The following ZNF254 variants were observed in gnomAD, a reference collection of about 807,000 sequenced individuals.
ZNF254 encodes the protein CTD-2017D11.1.
ZNF254 carries 10 observed loss-of-function variants against 12.4 expected under a neutral mutation model. The ratio of observed to expected loss-of-function variants is 0.80; its 90% CI spans 0.50 to 1.36. The LOEUF (loss-of-function observed/expected upper bound fraction) is 1.36. Ranked by LOEUF, ZNF254 falls within the 40% of genes most tolerant of loss-of-function variation. The pLI, the probability that ZNF254 is intolerant of heterozygous loss-of-function variation, is 0.00. For synonymous variants in ZNF254, 305 were observed against 253.4 expected (o/e 1.20, Z -1.93); for missense variants, 996 against 763.9 (o/e 1.30, Z -3.58).
chr19:24,091,307 AAAAT>A (rs1972365939), intron 1 of ZNF254, among the ~76,000 whole-genome samples: 1 of 131,144 alleles, frequency 7.6e-6, no homozygotes, highest in African/African-American at 3.0e-5. Context: ...ACCAAGGAAA[AAAAT>A]AAAGAAAAAA....
chr19:24,086,487 A>G (rs1461765613), upstream of ZNF254, among the ~76,000 whole-genome samples: 1 of 149,154 alleles, frequency 6.7e-6, no homozygotes, highest in Admixed American at 6.7e-5. Context: ...TTTTTCTTTT[A>G]TTTTTTTGAG....
chr19:24,107,446 A>C, intron 3 of ZNF254: 1 of 380,614 alleles, frequency 2.6e-6, no homozygotes, highest in Non-Finnish European at 4.6e-6. Flanking sequence ...TGAGTATTTC[A>C]TTGATATTGT....
upstream of ZNF254, among the ~76,000 whole-genome samples, chr19:24,082,997 G>T (rs368708537): frequency 3.3e-5 from 5 of 152,118 alleles, no homozygotes; most frequent in East Asian, 3.9e-4. Context: ...TAAGTAGCGA[G>T]CCTCCAAGTT....
chr19:24,047,747 G>T (rs191160932), intron 2 of ZNF254, among the ~76,000 whole-genome samples: 97 of 150,320 alleles, frequency 6.5e-4, no homozygotes, highest in African/African-American at 2.2e-3. Flanking sequence ...GAGTGCAATG[G>T]CGTGATCTTG....
At chr19:24,060,625 AAG>A (rs1971030783) in intron 2 of ZNF254, among the ~76,000 whole-genome samples, 1 of 152,112 alleles carries the variant, frequency 6.6e-6, no homozygotes, top group Non-Finnish European at 1.5e-5. Flanking sequence ...GCACACAAAA[AAG>A]AGAGTGACTT....
At chr19:24,114,656 A>G (rs1973914931) in intron 3 of ZNF254, among the ~76,000 whole-genome samples, 1 of 136,328 alleles carries the variant, frequency 7.3e-6, no homozygotes, top group Non-Finnish European at 1.5e-5. Context: ...AGCAATGGGA[A>G]CAAAAGCCAA....
At chr19:24,107,251 G>A (rs1258587051) in intron 3 of ZNF254, 2 of 647,390 alleles carry the variant, frequency 3.1e-6, no homozygotes, top group East Asian at 3.0e-5. Context: ...AAAAACACTG[G>A]AATTTTGATA....
intron 2 of ZNF254, among the ~76,000 whole-genome samples, chr19:24,059,660 G>A (rs1290778921): frequency 1.3e-5 from 2 of 151,944 alleles, no homozygotes; most frequent in East Asian, 3.9e-4. Flanking sequence ...CAACCTAGGT[G>A]ATGTAACTCT....
intron 2 of ZNF254, among the ~76,000 whole-genome samples, chr19:24,054,031 T>C (rs67223326): frequency 0.16 from 24,431 of 152,200 alleles, 2,109 homozygotes; most frequent in Middle Eastern, 0.23. Context: ...TTGCCTGCAC[T>C]GTGCCCTGAA....
chr19:24,036,187 C>T (rs951812207), intron 1 of ZNF254, among the ~76,000 whole-genome samples: 8 of 152,048 alleles, frequency 5.3e-5, no homozygotes, highest in African/African-American at 1.2e-4. Context: ...TCAGCCTCTC[C>T]GAGTAGCTGG....
At chr19:24,042,764 T>C (rs192450188) in intron 1 of ZNF254, among the ~76,000 whole-genome samples, 2 of 152,226 alleles carry the variant, frequency 1.3e-5, no homozygotes, top group African/African-American at 4.8e-5. Flanking sequence ...GTATTTACTT[T>C]CCTCTCCACT....
chr19:24,102,419 A>C (rs1035757301), intron 1 of ZNF254, among the ~76,000 whole-genome samples: 32 of 151,854 alleles, frequency 2.1e-4, no homozygotes, highest in African/African-American at 7.5e-4. Context: ...GTAAGCTTAA[A>C]AAAAGAAACA....
intron 1 of ZNF254, among the ~76,000 whole-genome samples, chr19:24,103,460 C>T (rs1353717534): frequency 1.3e-5 from 2 of 152,296 alleles, no homozygotes; most frequent in Non-Finnish European, 2.9e-5. Flanking sequence ...GTTATAAGAT[C>T]AGGCTTCTAA....
chr19:24,061,609 G>GA (rs1023035309), intron 2 of ZNF254, among the ~76,000 whole-genome samples: 19 of 152,208 alleles, frequency 1.2e-4, no homozygotes, highest in Non-Finnish European at 1.8e-4. Flanking sequence ...AGCCCTCAGG[G>GA]AAAAAAATTA....
intron 3 of ZNF254, among the ~76,000 whole-genome samples, chr19:24,123,034 A>G (rs1019829207): frequency 3.3e-5 from 5 of 152,102 alleles, no homozygotes; most frequent in South Asian, 2.1e-4. Context: ...TTGAGATTCT[A>G]TATACTTTTG....
chr19:24,037,177 C>T (rs1034146935), intron 1 of ZNF254, among the ~76,000 whole-genome samples: 9 of 152,316 alleles, frequency 5.9e-5, no homozygotes, highest in Admixed American at 1.3e-4. Flanking sequence ...CCCCCACTCA[C>T]GGGTCCTTGA....
At chr19:24,103,544 C>T (rs998150493) in intron 1 of ZNF254, among the ~76,000 whole-genome samples, 1 of 152,066 alleles carries the variant, frequency 6.6e-6, no homozygotes, top group Non-Finnish European at 1.5e-5. Context: ...TGGGTGAAAG[C>T]GTCTATTTGT....
At chr19:24,050,629 A>G (rs570471057) in intron 2 of ZNF254, among the ~76,000 whole-genome samples, 33 of 152,346 alleles carry the variant, frequency 2.2e-4, no homozygotes, top group Middle Eastern at 3.4e-3. Context: ...GCTGACTCGC[A>G]GAAGTCACTG....
Position 24,127,763 on chromosome 19 carries a change from C to CT in ZNF254, c.1767dup (p.Thr590TyrfsTer2). On this transcript the variant is annotated frameshift_variant, in exon 4 of 4. Coordinates refer to ENST00000357002, the MANE Select transcript of ZNF254 (RefSeq NM_203282.4). LOFTEE classifies it low-confidence loss of function (END_TRUNC). ...GGCAAATCTTTTAACCGGTCTTCAACTTTTACTAAACATAAGGTAATTCAT... is the reference window on the plus strand; with the variant it reads ...GGCAAATCTTTTAACCGGTCTTCAACTTTTTACTAAACATAAGGTAATTCAT... 1.2e-6 allele frequency: 2 copies of CT among 1,612,016 alleles called. No homozygotes were observed. The highest frequency in any genetic ancestry group is 1.7e-6 in the Non-Finnish European group (2 of 1,179,336).
Sources: gnomAD v4.1 joint callset for allele counts (sites outside exome capture counted in the v4.1 genomes callset) on GRCh38, gnomAD v4.1.1 for gene constraint, MANE v1.5 for transcripts, NCBI Gene and HGNC (gene_info 2026-07-23, HGNC 2026-07-21) for gene names.